Variants in IQCB1 observed in about 807,000 individuals in gnomAD.
IQCB1 encodes the protein IQ motif containing B1.
Under a neutral mutation model 84.4 loss-of-function variants are expected in IQCB1, and 56 were observed. That is an observed-to-expected ratio of 0.66 (90% CI 0.54 to 0.83). The LOEUF (loss-of-function observed/expected upper bound fraction) is 0.83. IQCB1 is among the 40% of genes least tolerant of loss of function. The pLI is 0.00. For synonymous variants in IQCB1, 210 were observed against 234.8 expected (o/e 0.89, Z 0.96); for missense variants, 629 against 682.1 (o/e 0.92, Z 0.87).
chr3:121,822,463 C>G (rs9878426), intron 5 of IQCB1, among the ~76,000 whole-genome samples: 97,849 of 151,966 alleles, frequency 0.64, 32,001 homozygotes, highest in African/African-American at 0.72. Flanking sequence ...CCACAAAGTA[C>G]AGAGCTTCAA....
At chr3:121,810,886 C>T (rs539927652) in intron 5 of IQCB1, among the ~76,000 whole-genome samples, 61 of 152,142 alleles carry the variant, frequency 4.0e-4, no homozygotes, top group Non-Finnish European at 7.9e-4. Flanking sequence ...TTATTTAGTG[C>T]TAACATCCCA....
rs773593065 is a variant in IQCB1, at chr3:121,781,785, A to G, written c.1368T>C (p.Val456=). The G allele has an allele frequency of 6.2e-7, 1 of 1,613,742 alleles. No individual in the cohort carries two copies. The highest frequency in any genetic ancestry group is 1.7e-5 in the Admixed American group (1 of 59,990). Residue 456 remains valine (V), a synonymous_variant, in exon 13 of 15, where the codon GTT becomes GTC. Coordinates refer to ENST00000310864, the MANE Select transcript of IQCB1 (RefSeq NM_001023570.4). The part of the protein sequence containing the change: ...GLQELTDARR[V]ELKKRVDDYV... ...AGTCATCCACTCGTTTCTTCAGTTCAACTCGGCGTGCATCAGTGAGTTCTT... is the reference window on the plus strand; with the variant it reads ...AGTCATCCACTCGTTTCTTCAGTTCGACTCGGCGTGCATCAGTGAGTTCTT...
At chr3:121,798,543 A>G (rs1431591248) in intron 8 of IQCB1, among the ~76,000 whole-genome samples, 3 of 151,970 alleles carry the variant, frequency 2.0e-5, no homozygotes, top group Non-Finnish European at 2.9e-5. Context: ...CTCTGTTTCT[A>G]TATCTATAAA....
At chr3:121,772,745 G>A (rs1022781304) in intron 13 of IQCB1, 32 bp from the exon 14 acceptor site, 1 of 1,612,228 alleles carries the variant, frequency 6.2e-7, no homozygotes. Context: ...ACCTGTCACA[G>A]AGAGGACATA....
chr3:121,780,068 A>G (rs1948407821), intron 13 of IQCB1, among the ~76,000 whole-genome samples: 1 of 152,192 alleles, frequency 6.6e-6, no homozygotes, highest in Non-Finnish European at 1.5e-5. Context: ...CTCAAGGGGT[A>G]GATTCTGTAG....
chr3:121,831,179 A>ATTTT (rs71133577), intron 2 of IQCB1, among the ~76,000 whole-genome samples: 1 of 129,578 alleles, frequency 7.7e-6, no homozygotes, highest in Non-Finnish European at 1.6e-5. Context: ...GTATCCTAGT[A>ATTTT]TTTTTTTTTG....
At position 121,784,343 on chromosome 3, in the gene IQCB1, T is replaced by A. The variant is rs544794722; in HGVS notation, c.1279-2469A>T. ...TTACAGGTGTGTGCCACTGGCAAAATCTTTTTTCCTTGCTTTCTGTGAGAT... is the reference window on the plus strand; with the variant it reads ...TTACAGGTGTGTGCCACTGGCAAAAACTTTTTTCCTTGCTTTCTGTGAGAT... On this transcript the variant is annotated intron_variant, in intron 12 of 14. Transcript: ENST00000310864. Among the ~76,000 whole-genome samples the A allele has an allele frequency of 3.8e-4, 58 of 152,114 alleles. No homozygotes were observed. In the South Asian group the frequency reaches 8.9e-3, roughly 23 times the overall value.
intron 10 of IQCB1, 24 bp downstream of exon 10, chr3:121,795,433 A>T: frequency 8.7e-7 from 1 of 1,152,512 alleles, no homozygotes; most frequent in Non-Finnish European, 1.3e-6. Context: ...TATGATCATC[A>T]ATCCCCTCAC....
chr3:121,793,408 G>A (rs1450140636), intron 10 of IQCB1, among the ~76,000 whole-genome samples: 3 of 152,150 alleles, frequency 2.0e-5, no homozygotes, highest in Non-Finnish European at 4.4e-5. Flanking sequence ...AGTGTGACCA[G>A]TGGGCAGTCT....
intron 12 of IQCB1, among the ~76,000 whole-genome samples, chr3:121,787,646 G>C (rs1948791840): frequency 6.6e-6 from 1 of 151,926 alleles, no homozygotes; most frequent in African/African-American, 2.4e-5. Context: ...AGCTACTCGG[G>C]AGGCTGAGGC....
chr3:121,770,173 A>G lies in IQCB1; in HGVS notation c.*172T>C, dbSNP rs1270662720. ...CGATGAGGATACAGAGAAAAGAAAA[A>G]GAAAATTGAGAGAGAGGTAGAATAT... is the stretch of plus-strand genomic sequence containing the variant. On this transcript the variant is annotated 3_prime_UTR_variant, in exon 15 of 15. Transcript: ENST00000310864. 5.0e-6 allele frequency: 3 copies of G among 597,884 alleles called. No homozygotes were observed. In the East Asian group the frequency reaches 8.3e-5, roughly 17 times the overall value. The allele number at this position is 597,884 out of a possible 1,614,324, so 37.0% of individuals were successfully genotyped here. A position where few individuals can be genotyped will look rare whatever the true frequency, so the allele number is the denominator to read the frequency against.
In IQCB1 at chr3:121,793,816, C is replaced by A. The variant is rs369745736; in HGVS notation, c.986+1641G>T. Among the ~76,000 whole-genome samples, 22 of 152,214 alleles carry A rather than the reference C, an allele frequency of 1.4e-4. 1 individual carries two copies. The East Asian group carries it at 2.5e-3, about 17-fold the overall frequency. On this transcript the variant is annotated intron_variant, in intron 10 of 14. Transcript: ENST00000310864. ...AATATTAGATTCCATAGATACACTT[C>A]TAAGTAGAAAAAAATCTGTAATCCT... is the stretch of plus-strand genomic sequence containing the variant.
At chr3:121,794,882 C>T (rs182618358) in intron 10 of IQCB1, among the ~76,000 whole-genome samples, 6 of 152,214 alleles carry the variant, frequency 3.9e-5, no homozygotes, top group African/African-American at 1.4e-4. Context: ...ACCTCTGAAA[C>T]AGATCTTCTT....
At chr3:121,823,110 G>C (rs1300947209) in intron 5 of IQCB1, among the ~76,000 whole-genome samples, 1 of 152,066 alleles carries the variant, frequency 6.6e-6, no homozygotes, top group Non-Finnish European at 1.5e-5. Flanking sequence ...AAATTCACTA[G>C]GTAGGATTAT....
chr3:121,804,117 T>C (rs556781692), intron 7 of IQCB1, among the ~76,000 whole-genome samples: 2 of 152,262 alleles, frequency 1.3e-5, no homozygotes, highest in African/African-American at 2.4e-5. Context: ...GTTCAAAGTA[T>C]ACATTTCAAT....
chr3:121,789,041 A>G (rs1298160519), intron 11 of IQCB1, among the ~76,000 whole-genome samples: 1 of 152,192 alleles, frequency 6.6e-6, no homozygotes, highest in East Asian at 1.9e-4. Context: ...CAAATGGGAA[A>G]CTGAGTAAGT....
At chr3:121,802,860 GT>G (rs1363626045) in intron 7 of IQCB1, among the ~76,000 whole-genome samples, 1 of 151,926 alleles carries the variant, frequency 6.6e-6, no homozygotes, top group African/African-American at 2.4e-5. Context: ...TTCTCATGTT[GT>G]TTTTATTTCC....
rs750023686 is a variant in IQCB1 at position 121,772,638 on chromosome 3, C to G, written c.1486G>C (p.Gly496Arg). 2 of 1,614,126 alleles carry G rather than the reference C, an allele frequency of 1.2e-6. No homozygotes were observed. Among genetic ancestry groups the G allele is most frequent in the African/African-American group, 1.3e-5 (1 of 75,014 alleles). ...AQERLQHYFMGRALEERAQQH... is the reference protein window; with the variant it reads ...AQERLQHYFMRRALEERAQQH... ...TGGGCTCGCTCTTCTAGGGCCCTGC[C>G]CATAAAGTAGTGTTGCAGTCGTTCT... Residue 496 changes from glycine (G) to arginine (R), a missense_variant, in exon 14 of 15, where the codon GGC (glycine) becomes CGC (arginine). Transcript: ENST00000310864.
chr3:121,790,236 T>C, intron 10 of IQCB1, 21 bp from the exon 11 acceptor site: 1 of 1,609,758 alleles, frequency 6.2e-7, no homozygotes, highest in Non-Finnish European at 8.5e-7. Flanking sequence ...AACAGTGTGT[T>C]ATACATAATT....
Sources: allele counts gnomAD v4.1 joint callset (sites outside exome capture counted in the v4.1 genomes callset), GRCh38; gene constraint gnomAD v4.1.1; transcripts MANE v1.5; gene names NCBI Gene and HGNC (gene_info 2026-07-23, HGNC 2026-07-21).